Variants in TSTD2 observed in about 807,000 individuals in gnomAD.
TSTD2 encodes thiosulfate sulfurtransferase/rhodanese-like domain-containing protein 2.
In TSTD2, 37 loss-of-function variants were observed where a neutral mutation model predicts 47.9. The observed-to-expected ratio is 0.77, with a 90% CI of 0.59 to 1.02. TSTD2 has a LOEUF of 1.02. Among genes scored for constraint, TSTD2 ranks in the 50% least tolerant of loss-of-function variants. The pLI is 0.00. For missense variants in TSTD2, 586 were observed against 616.0 expected (o/e 0.95, Z 0.52); for synonymous variants, 201 against 215.9 (o/e 0.93, Z 0.61).
At chr9:97,602,883 TC>T in intron 9 of TSTD2, 116 bp from the exon 10 acceptor site, 1 of 1,064,118 alleles carries the variant, frequency 9.4e-7, no homozygotes. Flanking sequence ...GGGGAAGGTT[TC>T]CAAATAGTAA....
chr9:97,600,787 G>A lies in TSTD2; in HGVS notation c.*1682C>T. ...CACCCCAAGATGATTACACTGAAAT[G>A]TAGTATTAGTACTGCTGCCAGATCT... is the stretch of plus-strand genomic sequence containing the variant. On this transcript the variant is annotated 3_prime_UTR_variant, in exon 10 of 10. Transcript: ENST00000341170. 9.8e-7 allele frequency: 1 copy of A among 1,022,626 alleles called. No homozygotes were observed. The highest frequency in any genetic ancestry group is 1.2e-6 in the Non-Finnish European group (1 of 851,662). The allele number at this position is 1,022,626 out of a possible 1,614,324, so 63.3% of individuals were successfully genotyped here.
chr9:97,629,793 C>T (rs1284152077), intron 1 of TSTD2, among the ~76,000 whole-genome samples: 1 of 151,952 alleles, frequency 6.6e-6, no homozygotes, highest in Non-Finnish European at 1.5e-5. Flanking sequence ...TATGGAGGGT[C>T]TTCTAGGTTC....
chr9:97,605,805 C>T (rs960329543), intron 7 of TSTD2, among the ~76,000 whole-genome samples, 164 bp from the exon 8 acceptor site: 5 of 152,184 alleles, frequency 3.3e-5, no homozygotes, highest in African/African-American at 7.2e-5. Context: ...AACTTAAAAC[C>T]GAGGCTGTGG....
intron 4 of TSTD2, among the ~76,000 whole-genome samples, chr9:97,615,291 A>G (rs914752330): frequency 6.6e-6 from 1 of 152,240 alleles, no homozygotes; most frequent in South Asian, 2.1e-4. Flanking sequence ...ATGAGACAGA[A>G]GCATTACATT....
intron 3 of TSTD2, among the ~76,000 whole-genome samples, chr9:97,619,752 G>A (rs896682025): frequency 6.6e-6 from 1 of 152,042 alleles, no homozygotes; most frequent in African/African-American, 2.4e-5. Flanking sequence ...TTATTGATAA[G>A]GCTTCAGTCA....
chr9:97,616,763 G>T (rs73554641), intron 4 of TSTD2, among the ~76,000 whole-genome samples: 18,004 of 152,160 alleles, frequency 0.12, 3,026 homozygotes, highest in African/African-American at 0.37. Context: ...ACTTCCTTTC[G>T]ATTTAAATTT....
chr9:97,615,924 T>C (rs1035573397), intron 4 of TSTD2, among the ~76,000 whole-genome samples: 3 of 152,164 alleles, frequency 2.0e-5, no homozygotes. Flanking sequence ...GAAAAAAATA[T>C]AGCTTTTCCC....
Position 97,601,169 on chromosome 9 carries a change from A to G in TSTD2, c.*1300T>C, listed in dbSNP as rs979396114. 1.5e-6 allele frequency: 2 copies of G among 1,300,514 alleles called. No individual in the cohort carries two copies. Among genetic ancestry groups the G allele is most frequent in the Admixed American group, 2.4e-5 (1 of 42,444 alleles). 80.6% of individuals were successfully genotyped at this position (1,300,514 alleles called of 1,614,324 possible). On this transcript the variant is annotated 3_prime_UTR_variant, in exon 10 of 10. Coordinates refer to ENST00000341170, the MANE Select transcript of TSTD2 (RefSeq NM_139246.5). ...CCATGTTGCAGGGACAACCATCCCC[A>G]TTTGGCTTCTCCTTAAAACACAATT...
Position 97,610,348 on chromosome 9 carries a change from G to A in TSTD2, c.833C>T (p.Pro278Leu). 2 of 1,603,682 alleles carry A rather than the reference G, an allele frequency of 1.2e-6. No homozygotes were observed. The highest frequency in any genetic ancestry group is 1.7e-6 in the Non-Finnish European group (2 of 1,175,896). ...ISPKKISYKK[P>L]GIHLSPGEFH... ...CAATCTTCTAAAAGCAAGCATACCA[G>A]GCTTCTTGTAGGAGATCTTTTTGGG... Residue 278 changes from proline to leucine, a missense_variant and splice_region_variant, in exon 6 of 10, where the codon CCT (proline) becomes CTT (leucine). By Grantham distance (98) the Pro-to-Leu change is moderately conservative. Transcript: ENST00000341170.
At position 97,601,683 on chromosome 9, in the gene TSTD2, A is replaced by G. The variant is rs1564004634; in HGVS notation, c.*786T>C. ...TCTGTTGCAACTATTCAACTCTGCC[A>G]TAGATCATGTGTAAAGGAATGGGTG... On this transcript the variant is annotated 3_prime_UTR_variant, in exon 10 of 10. Transcript: ENST00000341170. The G allele has an allele frequency of 8.3e-6, 5 of 604,980 alleles. No homozygotes were observed. Among genetic ancestry groups the G allele is most frequent in the Non-Finnish European group, 8.3e-6 (4 of 481,680 alleles). The allele number at this position is 604,980 out of a possible 1,614,324, so 37.5% of individuals were successfully genotyped here. A position where few individuals can be genotyped will look rare whatever the true frequency, so the allele number is the denominator to read the frequency against.
chr9:97,626,461 G>C (rs954912569), intron 2 of TSTD2, among the ~76,000 whole-genome samples: 21 of 152,112 alleles, frequency 1.4e-4, no homozygotes, highest in Non-Finnish European at 2.6e-4. Flanking sequence ...CTTATGCAAT[G>C]TAATCTTAAC....
intron 6 of TSTD2, among the ~76,000 whole-genome samples, chr9:97,607,043 G>A (rs58390229): frequency 0.12 from 17,949 of 152,144 alleles, 3,005 homozygotes; most frequent in African/African-American, 0.37. Flanking sequence ...GTGTGTGCCT[G>A]TAGTCTCAGC....
At position 97,610,287 on chromosome 9, in the gene TSTD2, T is replaced by C. The variant is rs566709264; in HGVS notation, c.835+59A>G. On this transcript the variant is annotated intron_variant, in intron 6 of 9. Transcript: ENST00000341170. Reference sequence around the variant, plus strand: ...CTGATCACAGTGCCTAGCTTTCTTATTTGTCTATTAAGTTTTGTCCCTGTG... The same window carrying C: ...CTGATCACAGTGCCTAGCTTTCTTACTTGTCTATTAAGTTTTGTCCCTGTG... 14 of 1,464,092 alleles carry C rather than the reference T, an allele frequency of 9.6e-6. No individual in the cohort carries two copies. In the East Asian group the frequency reaches 2.1e-4, roughly 22 times the overall value. The allele number at this position is 1,464,092 out of a possible 1,614,324, so 90.7% of individuals were successfully genotyped here. A position where few individuals can be genotyped will look rare whatever the true frequency, so the allele number is the denominator to read the frequency against.
At chr9:97,612,803 G>A (rs1376164204) in intron 4 of TSTD2, among the ~76,000 whole-genome samples, 1 of 152,168 alleles carries the variant, frequency 6.6e-6, no homozygotes, top group Non-Finnish European at 1.5e-5. Flanking sequence ...TGATCTACCC[G>A]CCTTGGCCTC....
Position 97,600,351 on chromosome 9 carries a change from A to G in TSTD2, c.*2118T>C, listed in dbSNP as rs1000601603. 3.0e-6 allele frequency: 3 copies of G among 986,168 alleles called. No homozygotes were observed. Among genetic ancestry groups the G allele is most frequent in the South Asian group, 9.4e-5 (2 of 21,302 alleles). The allele number at this position is 986,168 out of a possible 1,614,324, so 61.1% of individuals were successfully genotyped here. A position where few individuals can be genotyped will look rare whatever the true frequency, so the allele number is the denominator to read the frequency against. On this transcript the variant is annotated 3_prime_UTR_variant, in exon 10 of 10. Coordinates refer to ENST00000341170, the MANE Select transcript of TSTD2 (RefSeq NM_139246.5). ...AACCAATGGTGAAATTTCAAGTTTC[A>G]AAAACCAACCTTTCATTACCAATCC...
At chr9:97,605,073 G>A (rs1934163088) in intron 8 of TSTD2, among the ~76,000 whole-genome samples, 2 of 152,082 alleles carry the variant, frequency 1.3e-5, no homozygotes, top group African/African-American at 4.8e-5. Context: ...TGCCTCCTAG[G>A]GGGATGGGTG....
In TSTD2 at chr9:97,611,661, A is replaced by G. The variant is rs766245096; in HGVS notation, c.642T>C (p.Gly214=). Residue 214 remains glycine (G), a synonymous_variant, in exon 5 of 10, where the codon GGT becomes GGC. Transcript: ENST00000341170. ...AAAGTCTGGTAGCCAATTTGCTTCCACCAACTGTCCCATTGATTCCTTCTG... is the reference window on the plus strand; with the variant it reads ...AAAGTCTGGTAGCCAATTTGCTTCCGCCAACTGTCCCATTGATTCCTTCTG... The part of the protein sequence containing the change: ...IAAEGINGTV[G]GSKLATRLYV... 1.9e-6 allele frequency: 3 copies of G among 1,611,474 alleles called. No individual in the cohort carries two copies. In the East Asian group the frequency reaches 6.7e-5, roughly 36 times the overall value.
intron 3 of TSTD2, among the ~76,000 whole-genome samples, chr9:97,620,474 A>G (rs1826616354): frequency 6.6e-6 from 1 of 152,254 alleles, no homozygotes; most frequent in African/African-American, 2.4e-5. Flanking sequence ...AAAGACACCC[A>G]AAAAGGTGGA....
In TSTD2 at chr9:97,600,602, G is replaced by A. The variant is rs192473890; in HGVS notation, c.*1867C>T. The A allele has an allele frequency of 2.2e-4, 216 of 986,664 alleles. 1 individual carries two copies. In the African/African-American group the frequency reaches 3.6e-3, roughly 17 times the overall value. 61.1% of individuals were successfully genotyped at this position (986,664 alleles called of 1,614,324 possible). A position where few individuals can be genotyped will look rare whatever the true frequency, so the allele number is the denominator to read the frequency against. ...AAATTTCCAGATCAACATGGCTATG[G>A]TATTTAGTAATGGCCCAGCTTAGAG... On this transcript the variant is annotated 3_prime_UTR_variant, in exon 10 of 10. Coordinates refer to ENST00000341170, the MANE Select transcript of TSTD2 (RefSeq NM_139246.5).
Sources: gnomAD v4.1 joint callset for allele counts (sites outside exome capture counted in the v4.1 genomes callset) on GRCh38, gnomAD v4.1.1 for gene constraint, MANE v1.5 for transcripts, NCBI Gene and HGNC (gene_info 2026-07-23, HGNC 2026-07-21) for gene names.